The following KCNQ4 variants were observed in gnomAD, a reference collection of about 807,000 sequenced individuals.
The protein encoded by KCNQ4 is potassium voltage-gated channel subfamily KQT member 4.
KCNQ4 carries 31 observed loss-of-function variants against 72.6 expected under a neutral mutation model. The observed-to-expected ratio is 0.43, with a 90% CI of 0.32 to 0.58. The LOEUF is 0.58. Ranked by LOEUF, KCNQ4 falls within the 20% of genes least tolerant of loss-of-function variation. The pLI is 0.08. For missense variants in KCNQ4, 869 were observed against 962.6 expected (o/e 0.90, Z 1.29); for synonymous variants, 405 against 403.7 (o/e 1.00, Z -0.04).
chr1:40,834,849 G>A, intron 11 of KCNQ4, 118 bp from the exon 12 acceptor site: 3 of 1,387,966 alleles, frequency 2.2e-6, no homozygotes, highest in Non-Finnish European at 3.0e-6. Flanking sequence ...GCTGTTCATG[G>A]TGGCCAAGCA....
intron 7 of KCNQ4, among the ~76,000 whole-genome samples, chr1:40,822,091 C>T (rs759208075): frequency 6.6e-6 from 1 of 152,232 alleles, no homozygotes; most frequent in Non-Finnish European, 1.5e-5. Context: ...TGCTCTATGG[C>T]CCCTGGCTCT....
rs1318805689 is a variant in KCNQ4, at chr1:40,794,395, G to A, written c.314+9988G>A. On this transcript the variant is annotated intron_variant, in intron 1 of 13. Transcript: ENST00000347132. This position sits in a 1 kb window ranked among gnomAD's most constrained non-coding sequence, Gnocchi z 4.2. ...AGGTCATCTATTTTTTCCAGTACCC[G>A]CTAGGTAGCAGGCACTATTATTGTT... Among the ~76,000 whole-genome samples, 1 of 152,148 alleles carries A rather than the reference G, an allele frequency of 6.6e-6. No homozygotes were observed. Among genetic ancestry groups the A allele is most frequent in the African/African-American group, 2.4e-5 (1 of 41,424 alleles).
At chr1:40,797,659 TG>T (rs1647454652) in intron 1 of KCNQ4, among the ~76,000 whole-genome samples, 1 of 152,132 alleles carries the variant, frequency 6.6e-6, no homozygotes, top group Non-Finnish European at 1.5e-5. Flanking sequence ...CAAGGAGCCC[TG>T]GGGATGCTAC....
At position 40,831,272 on chromosome 1, in the gene KCNQ4, C is replaced by T; in HGVS notation, c.1481C>T (p.Ser494Phe). The change falls in exon 10 of 14, where the codon TCT (serine) becomes TTT (phenylalanine). Residue 494 changes from serine (S) to phenylalanine (F), a missense_variant. Coordinates refer to ENST00000347132, the MANE Select transcript of KCNQ4 (RefSeq NM_004700.4). Reference protein sequence around the residue: ...SFNDRTRFRASLRLKPRTSAE... With the variant: ...SFNDRTRFRAFLRLKPRTSAE... Reference sequence around the variant, plus strand: ...AATGACCGCACCCGCTTCCGGGCATCTCTGAGACTCAAACCCCGCACCTCT... The same window carrying T: ...AATGACCGCACCCGCTTCCGGGCATTTCTGAGACTCAAACCCCGCACCTCT... The T allele has an allele frequency of 6.2e-7, 1 of 1,605,512 alleles. No individual in the cohort carries two copies. The highest frequency in any genetic ancestry group is 8.5e-7 in the Non-Finnish European group (1 of 1,176,240).
chr1:40,833,138 A>AC (rs775943108), intron 11 of KCNQ4, 25 bp downstream of exon 11: 4 of 1,568,866 alleles, frequency 2.5e-6, no homozygotes, highest in South Asian at 1.1e-5. Flanking sequence ...TGAGGCGAGC[A>AC]CCCCCCTCCG....
At chr1:40,822,562 G>A (rs919503781) in intron 8 of KCNQ4, among the ~76,000 whole-genome samples, 160 bp downstream of exon 8, 3 of 152,180 alleles carry the variant, frequency 2.0e-5, no homozygotes, top group Non-Finnish European at 2.9e-5. Flanking sequence ...AGAGCCTGGA[G>A]TGTCCTTTAT....
intron 1 of KCNQ4, among the ~76,000 whole-genome samples, chr1:40,809,239 G>A (rs770062218): frequency 2.0e-5 from 3 of 152,098 alleles, no homozygotes; most frequent in Non-Finnish European, 4.4e-5. Flanking sequence ...CTGCTGCACC[G>A]CTGGGGCTCC....
At chr1:40,790,028 C>T (rs1156522855) in intron 1 of KCNQ4, among the ~76,000 whole-genome samples, 1 of 152,180 alleles carries the variant, frequency 6.6e-6, no homozygotes, top group African/African-American at 2.4e-5. Flanking sequence ...GGGGGAAGCT[C>T]CTAGTGTGGG....
At chr1:40,793,820 G>A (rs1047016035) in intron 1 of KCNQ4, among the ~76,000 whole-genome samples, 2 of 152,104 alleles carry the variant, frequency 1.3e-5, no homozygotes, top group Non-Finnish European at 2.9e-5. Context: ...CTCCCAGTTT[G>A]AGCACCACCT....
Position 40,784,485 on chromosome 1 carries a change from C to A in KCNQ4, c.314+78C>A. The A allele has an allele frequency of 2.1e-6, 3 of 1,409,556 alleles. No individual in the cohort carries two copies. Among genetic ancestry groups the A allele is most frequent in the South Asian group, 1.1e-5 (1 of 87,038 alleles). The allele number at this position is 1,409,556 out of a possible 1,614,324, so 87.3% of individuals were successfully genotyped here. On this transcript the variant is annotated intron_variant, in intron 1 of 13. Transcript: ENST00000347132. The surrounding 1 kb of genome is among the most constrained non-coding windows in gnomAD (Gnocchi z 4.1). Reference sequence around the variant, plus strand: ...CCGGGGCACGGCCGCCCCGCCCTGGCTCCGCCTTCTACCCCCCTGCCTCAG... The same window carrying A: ...CCGGGGCACGGCCGCCCCGCCCTGGATCCGCCTTCTACCCCCCTGCCTCAG...
intron 1 of KCNQ4, among the ~76,000 whole-genome samples, chr1:40,802,670 G>A (rs1290106133): frequency 6.6e-6 from 1 of 152,158 alleles, no homozygotes; most frequent in African/African-American, 2.4e-5. Flanking sequence ...TGTGCTGGGG[G>A]AGGAGTCCCC....
At position 40,793,519 on chromosome 1, in the gene KCNQ4, C is replaced by T. The variant is rs1006601519; in HGVS notation, c.314+9112C>T. 4.6e-5 allele frequency among the ~76,000 whole-genome samples: 7 copies of T among 152,100 alleles called. No homozygotes were observed. In the South Asian group the frequency reaches 6.2e-4, roughly 14 times the overall value. ...CCTCCGCTCTGCAGTTTCATCCCTG[C>T]GCTTCCTGCCTGCTGACACCTCTCC... On this transcript the variant is annotated intron_variant, in intron 1 of 13. Transcript: ENST00000347132.
chr1:40,828,850 C>T (rs531618328), intron 9 of KCNQ4, among the ~76,000 whole-genome samples: 7 of 152,354 alleles, frequency 4.6e-5, no homozygotes, highest in African/African-American at 1.4e-4. Flanking sequence ...GGAATCCAGA[C>T]CCACTCCTGG....
At chr1:40,787,616 G>A (rs917519486) in intron 1 of KCNQ4, among the ~76,000 whole-genome samples, 1 of 152,126 alleles carries the variant, frequency 6.6e-6, no homozygotes, top group African/African-American at 2.4e-5. Flanking sequence ...CTCCTGTTGG[G>A]ATCCAGAATG....
chr1:40,801,719 G>T (rs1647579615), intron 1 of KCNQ4, among the ~76,000 whole-genome samples: 2 of 152,294 alleles, frequency 1.3e-5, no homozygotes, highest in Admixed American at 6.5e-5. Context: ...CAGCTGCCCT[G>T]TGTCAGCACT....
At chr1:40,806,277 C>A (rs896281696) in intron 1 of KCNQ4, among the ~76,000 whole-genome samples, 7 of 152,230 alleles carry the variant, frequency 4.6e-5, no homozygotes, top group African/African-American at 1.7e-4. Context: ...TGCCTAAATT[C>A]CACCCCATGT....
chr1:40,823,981 G>A, intron 8 of KCNQ4, 116 bp from the exon 9 acceptor site: 1 of 1,239,302 alleles, frequency 8.1e-7, no homozygotes, highest in Non-Finnish European at 1.2e-6. Flanking sequence ...GGCTGTCAGT[G>A]AACACCTCTA....
At chr1:40,820,132 G>A (rs761240852) in intron 6 of KCNQ4, 33 bp from the exon 7 acceptor site, 2 of 1,581,368 alleles carry the variant, frequency 1.3e-6, no homozygotes, top group South Asian at 2.3e-5. Flanking sequence ...ACCACTGCCA[G>A]CACATTCCCC....
intron 1 of KCNQ4, among the ~76,000 whole-genome samples, chr1:40,802,992 A>G (rs1050636505): frequency 1.3e-5 from 2 of 152,238 alleles, no homozygotes; most frequent in African/African-American, 2.4e-5. Flanking sequence ...AGGAGGGGGC[A>G]TCAGGACCAG....
Sources: allele counts gnomAD v4.1 joint callset (sites outside exome capture counted in the v4.1 genomes callset), GRCh38; gene constraint gnomAD v4.1.1; non-coding constraint Gnocchi (gnomAD v3.1); transcripts MANE v1.5; gene names NCBI Gene and HGNC (gene_info 2026-07-23, HGNC 2026-07-21).